SMYD3: variants seen among roughly 807,000 people sequenced by gnomAD.
SMYD3 encodes the protein SET and MYND domain containing 3.
SMYD3 carries 36 observed loss-of-function variants against 57.7 expected under a neutral mutation model. The ratio of observed to expected loss-of-function variants is 0.62; its 90% confidence interval spans 0.48 to 0.82. The LOEUF is 0.82. Among genes scored for constraint, SMYD3 ranks in the 40% least tolerant of loss-of-function variants. The probability of loss-of-function intolerance (pLI) is 0.00; values close to 1 mark genes in which losing one functional copy is unlikely to be tolerated. For synonymous variants in SMYD3, 211 were observed against 195.0 expected, an observed-to-expected ratio of 1.08 and a Z score of -0.68; for missense variants, 515 against 538.8, an observed-to-expected ratio of 0.96 and a Z score of 0.44.
chr1:245,950,648 A>G (rs1281527223), intron 5 of SMYD3, among the ~76,000 whole-genome samples: 1 of 152,226 alleles, frequency 6.6e-6, no homozygotes, highest in South Asian at 2.1e-4. Context: ...ATATGCTATC[A>G]TATGTCACTC....
chr1:246,061,114 T>C (rs1422957972), intron 5 of SMYD3, among the ~76,000 whole-genome samples: 2 of 151,958 alleles, frequency 1.3e-5, no homozygotes, highest in African/African-American at 2.4e-5. Flanking sequence ...TCCCAGCTAC[T>C]CGGGAGGCTG....
chr1:246,499,927 A>G (rs1181635362), intron 1 of SMYD3, among the ~76,000 whole-genome samples: 1 of 152,202 alleles, frequency 6.6e-6, no homozygotes, highest in Non-Finnish European at 1.5e-5. Context: ...GGGTCCTGAG[A>G]CTAAAAGGTC....
chr1:246,203,495 T>A lies in SMYD3; in HGVS notation c.531+123706A>T, dbSNP rs562005694. 1.2e-4 allele frequency among the ~76,000 whole-genome samples: 19 copies of A among 152,320 alleles called. No individual in the cohort carries two copies. The highest frequency in any genetic ancestry group is 1.8e-4 in the Non-Finnish European group (12 of 68,022). On this transcript the variant is annotated intron_variant, in intron 5 of 11. Coordinates refer to ENST00000490107, the MANE Select transcript of SMYD3 (RefSeq NM_001167740.2). This position sits in a 1 kb window ranked among gnomAD's most constrained non-coding sequence, Gnocchi z 4.6. ...GTTCAAGATGAAAGTATCTATAGGTTTGGTTTCCTCCGAGCCCTCTCTGGC... is the reference window on the plus strand; with the variant it reads ...GTTCAAGATGAAAGTATCTATAGGTATGGTTTCCTCCGAGCCCTCTCTGGC...
At chr1:245,931,829 A>G (rs1409166818) in intron 5 of SMYD3, among the ~76,000 whole-genome samples, 2 of 152,190 alleles carry the variant, frequency 1.3e-5, no homozygotes, top group Admixed American at 1.3e-4. Flanking sequence ...CTCTTACATG[A>G]AATCTAGTGC....
At chr1:246,225,560 C>A (rs145234571) in intron 5 of SMYD3, among the ~76,000 whole-genome samples, 5 of 152,212 alleles carry the variant, frequency 3.3e-5, no homozygotes, top group Non-Finnish European at 7.4e-5. Context: ...AGCTAGAGCA[C>A]AGGAGAGCGA....
Position 246,059,024 on chromosome 1 carries a change from G to A in SMYD3, c.532-129087C>T, listed in dbSNP as rs111592236. Among the ~76,000 whole-genome samples the A allele has an allele frequency of 9.9e-3, 1,498 of 152,056 alleles. 21 individuals are homozygous for A. The highest frequency in any genetic ancestry group is 0.033 in the African/African-American group (1,384 of 41,452). ...CGAGTAGCTGGAACTGCAGGCGTCC[G>A]CCACCATGCCCGGCTAAATTTTTTT... On this transcript the variant is annotated intron_variant, in intron 5 of 11. Transcript: ENST00000490107.
At chr1:246,006,869 A>G (rs2059182375) in intron 5 of SMYD3, among the ~76,000 whole-genome samples, 1 of 152,200 alleles carries the variant, frequency 6.6e-6, no homozygotes, top group South Asian at 2.1e-4. Flanking sequence ...AGGAGCCTGG[A>G]GCCTCTAAAA....
intron 5 of SMYD3, among the ~76,000 whole-genome samples, chr1:246,241,021 C>A (rs139810355): frequency 0.21 from 31,262 of 151,638 alleles, 3,913 homozygotes; most frequent in East Asian, 0.58. Context: ...TAAATATACA[C>A]TCATGTCATC....
chr1:245,767,202 G>A (rs1338049213), intron 10 of SMYD3, among the ~76,000 whole-genome samples: 1 of 151,440 alleles, frequency 6.6e-6, no homozygotes, highest in Non-Finnish European at 1.5e-5. Flanking sequence ...CTTTTGATAG[G>A]ATTGTCAAAA....
chr1:246,103,320 A>G (rs58546039), intron 5 of SMYD3, among the ~76,000 whole-genome samples: 4,958 of 152,266 alleles, frequency 0.033, 285 homozygotes, highest in African/African-American at 0.11. Flanking sequence ...GATTATTTTG[A>G]GAACAGAATA....
At chr1:245,908,610 G>A (rs1367405412) in intron 8 of SMYD3, among the ~76,000 whole-genome samples, 1 of 152,146 alleles carries the variant, frequency 6.6e-6, no homozygotes, top group Non-Finnish European at 1.5e-5. Context: ...CACATTTTTA[G>A]AAACTGAGAT....
chr1:246,415,100 C>T (rs906141046), intron 1 of SMYD3, among the ~76,000 whole-genome samples: 1 of 152,140 alleles, frequency 6.6e-6, no homozygotes, highest in Non-Finnish European at 1.5e-5. Flanking sequence ...TAATTTAAAG[C>T]TATTCCAGCT....
At chr1:245,762,385 C>T (rs1437749926) in intron 11 of SMYD3, among the ~76,000 whole-genome samples, 1 of 152,100 alleles carries the variant, frequency 6.6e-6, no homozygotes, top group East Asian at 1.9e-4. Context: ...TTGCAGGTGA[C>T]CCTGTGTTGG....
At chr1:245,947,773 C>T (rs1034713566) in intron 5 of SMYD3, among the ~76,000 whole-genome samples, 2 of 149,568 alleles carry the variant, frequency 1.3e-5, no homozygotes, top group Non-Finnish European at 3.0e-5. Flanking sequence ...CATTATGTTA[C>T]GTACCACTAA....
chr1:246,226,698 CTT>C (rs1333854785), intron 5 of SMYD3, among the ~76,000 whole-genome samples: 1 of 152,078 alleles, frequency 6.6e-6, no homozygotes, highest in Non-Finnish European at 1.5e-5. Flanking sequence ...CTTTTTACAG[CTT>C]TGTTATTTTG....
intron 1 of SMYD3, among the ~76,000 whole-genome samples, chr1:246,401,567 A>C (rs534563949): frequency 2.6e-5 from 4 of 152,188 alleles, no homozygotes; most frequent in African/African-American, 9.6e-5. Context: ...TCCTGACCTC[A>C]GGTGATCTGC....
rs1416999191 is a variant in SMYD3 at position 245,858,569 on chromosome 1, TGGCG to T, written c.999_1002del (p.Cys333Ter). 1.9e-6 allele frequency: 3 copies of T among 1,614,098 alleles called. No individual in the cohort carries two copies. The highest frequency in any genetic ancestry group is 2.5e-6 in the Non-Finnish European group (3 of 1,180,048). ...AGGCCGAGGTTGATGCAGGCATCCA[TGGCG>T]CAGTCGAGCACCTTCAGCTGGTAGA... On this transcript the variant is annotated frameshift_variant, in exon 10 of 12. Coordinates refer to ENST00000490107, the MANE Select transcript of SMYD3 (RefSeq NM_001167740.2). LOFTEE classifies it high-confidence loss of function.
chr1:246,312,967 T>G (rs962878222), intron 5 of SMYD3, among the ~76,000 whole-genome samples: 1 of 152,172 alleles, frequency 6.6e-6, no homozygotes, highest in Non-Finnish European at 1.5e-5. Context: ...CAGGCTGCAA[T>G]GCAGTGGCAC....
At chr1:246,090,928 G>A (rs1271692803) in intron 5 of SMYD3, among the ~76,000 whole-genome samples, 1 of 152,106 alleles carries the variant, frequency 6.6e-6, no homozygotes, top group Non-Finnish European at 1.5e-5. Flanking sequence ...CCCAGACAAC[G>A]TAGCCACTTC....
Sources: gnomAD v4.1 joint callset for allele counts (sites outside exome capture counted in the v4.1 genomes callset) on GRCh38, gnomAD v4.1.1 for gene constraint, Gnocchi (gnomAD v3.1) non-coding constraint, MANE v1.5 for transcripts, NCBI Gene and HGNC (gene_info 2026-07-23, HGNC 2026-07-21) for gene names.